Variants in PAX3 observed in about 807,000 individuals in gnomAD.
PAX3 encodes the protein paired box protein Pax-3.
Under a neutral mutation model 51.6 loss-of-function variants are expected in PAX3, and 14 were observed. The observed-to-expected ratio is 0.27, with a 90% CI of 0.18 to 0.42. PAX3 has a LOEUF of 0.42. PAX3 is among the 10% of genes least tolerant of loss of function. The pLI, the probability that PAX3 is intolerant of heterozygous loss-of-function variation, is 1.00. For synonymous variants in PAX3, 280 were observed against 253.4 expected, an observed-to-expected ratio of 1.11 and a Z score of -1.00; for missense variants, 540 against 642.8, an observed-to-expected ratio of 0.84 and a Z score of 1.73.
At chr2:222,278,329 C>T (rs771127831) in intron 4 of PAX3, among the ~76,000 whole-genome samples, 9 of 152,158 alleles carry the variant, frequency 5.9e-5, no homozygotes, top group Non-Finnish European at 1.0e-4. Context: ...AACAGACATC[C>T]TTTGTGCCCC....
chr2:222,216,031 C>A (rs1691943340), intron 7 of PAX3, among the ~76,000 whole-genome samples: 1 of 152,174 alleles, frequency 6.6e-6, no homozygotes, highest in African/African-American at 2.4e-5. Flanking sequence ...GCCTTAAATT[C>A]CCTGACACAT....
chr2:222,296,772 G>A lies in PAX3; in HGVS notation c.321+206C>T, dbSNP rs561394394. Among the ~76,000 whole-genome samples, 32 of 152,344 alleles carry A rather than the reference G, an allele frequency of 2.1e-4. No individual in the cohort carries two copies. The South Asian group carries it at 5.4e-3, about 26-fold the overall frequency. ...GATGTTATTTTTCCTTTGCAAAAAG[G>A]CAAGAGCTTTCCCTAAGTGTTCATC... On this transcript the variant is annotated intron_variant, in intron 2 of 8. Coordinates refer to ENST00000392070, the MANE Select transcript of PAX3 (RefSeq NM_181458.4).
intron 4 of PAX3, chr2:222,262,575 C>T (rs1256660825): frequency 1.4e-5 from 2 of 143,488 alleles, no homozygotes; most frequent in Admixed American, 1.5e-4. Context: ...TATAAAACAA[C>T]TTTTGAAAGT....
chr2:222,222,750 A>G (rs1692245575), intron 5 of PAX3, among the ~76,000 whole-genome samples: 1 of 152,222 alleles, frequency 6.6e-6, no homozygotes. Flanking sequence ...GGAATCAAGT[A>G]GGATCTCTGC....
At chr2:222,213,399 G>A (rs531599791) in intron 7 of PAX3, among the ~76,000 whole-genome samples, 32 of 152,192 alleles carry the variant, frequency 2.1e-4, no homozygotes, top group Non-Finnish European at 3.2e-4. Context: ...AGAACATCTC[G>A]AAAACCTAAT....
chr2:222,208,366 AT>A (rs1559254331), intron 7 of PAX3, among the ~76,000 whole-genome samples: 2 of 152,124 alleles, frequency 1.3e-5, no homozygotes, highest in Non-Finnish European at 2.9e-5. Flanking sequence ...CCCTTAGCAT[AT>A]TAAGAGGGAC....
At chr2:222,250,528 A>C (rs1284378694) in intron 4 of PAX3, among the ~76,000 whole-genome samples, 1 of 152,204 alleles carries the variant, frequency 6.6e-6, no homozygotes, top group African/African-American at 2.4e-5. Flanking sequence ...GGTATTATGA[A>C]AAAGGGAACA....
intron 4 of PAX3, among the ~76,000 whole-genome samples, chr2:222,280,056 C>T (rs1467296247): frequency 6.6e-6 from 1 of 151,946 alleles, no homozygotes; most frequent in Admixed American, 6.6e-5. Flanking sequence ...ACTAAAAATA[C>T]AAAAATTAGC....
rs1421885898 is a variant in PAX3 at position 222,298,513 on chromosome 2, G to A, written c.85+18C>T. ...CCAGGCCCTGGGATCCAGGCGGCGC[G>A]CTGAGGCCCTCCCTTACCTTCCAGC... On this transcript the variant is annotated intron_variant, in intron 1 of 8. Transcript: ENST00000392070. 23 of 1,584,778 alleles carry A rather than the reference G, an allele frequency of 1.5e-5. No individual in the cohort carries two copies. The highest frequency in any genetic ancestry group is 1.8e-5 in the Non-Finnish European group (21 of 1,164,842).
chr2:222,295,924 C>T lies in PAX3; in HGVS notation c.322-267G>A, dbSNP rs186272613. ...CGGGATAAATTCAGAAGAATTATAA[C>T]ATCTTGATGGGGGTAGGGTGGGGTT... On this transcript the variant is annotated intron_variant, in intron 2 of 8. Transcript: ENST00000392070. Among the ~76,000 whole-genome samples the T allele has an allele frequency of 9.8e-5, 15 of 152,306 alleles. No individual in the cohort carries two copies. In the East Asian group the frequency reaches 2.5e-3, roughly 25 times the overall value.
chr2:222,200,394 C>A lies in PAX3; in HGVS notation c.*1014G>T. On this transcript the variant is annotated 3_prime_UTR_variant, in exon 9 of 9. Transcript: ENST00000392070. ...CAGTTTAAAAGCATAATTATCTGAT[C>A]TGGTCTCTAATCAAAGGAGCAACCC... 1 of 228,376 alleles carries A rather than the reference C, an allele frequency of 4.4e-6. No homozygotes were observed. The highest frequency in any genetic ancestry group is 6.3e-5 in the East Asian group (1 of 15,908). The allele number at this position is 228,376 out of a possible 1,614,324, so 14.1% of individuals were successfully genotyped here.
intron 4 of PAX3, among the ~76,000 whole-genome samples, chr2:222,286,590 A>G (rs1694842383): frequency 6.6e-6 from 1 of 152,266 alleles, no homozygotes; most frequent in Non-Finnish European, 1.5e-5. Context: ...AAAATCCTGC[A>G]GCAAAATGTA....
chr2:222,280,523 G>C (rs1323744045), intron 4 of PAX3, among the ~76,000 whole-genome samples: 1 of 152,114 alleles, frequency 6.6e-6, no homozygotes, highest in Non-Finnish European at 1.5e-5. Context: ...GGTATGCCGG[G>C]AAATGAGTGA....
At chr2:222,278,987 G>T (rs1694531566) in intron 4 of PAX3, among the ~76,000 whole-genome samples, 1 of 152,180 alleles carries the variant, frequency 6.6e-6, no homozygotes, top group Non-Finnish European at 1.5e-5. Flanking sequence ...GTCTCACTCT[G>T]TTGCCCAGGC....
intron 4 of PAX3, among the ~76,000 whole-genome samples, chr2:222,260,574 T>G (rs1574708283): frequency 1.3e-5 from 1 of 77,618 alleles, no homozygotes; most frequent in Non-Finnish European, 2.7e-5. Context: ...TGTTTTTTTT[T>G]TTTGTTTTTT....
At chr2:222,283,729 C>T (rs940542539) in intron 4 of PAX3, among the ~76,000 whole-genome samples, 1 of 152,252 alleles carries the variant, frequency 6.6e-6, no homozygotes, top group Admixed American at 6.5e-5. Context: ...GGGGGCCCGG[C>T]TGGCCAAGGA....
rs45557438 is a variant in PAX3 at position 222,273,753 on chromosome 2, C to T, written c.586+20414G>A. On this transcript the variant is annotated intron_variant, in intron 4 of 8. Coordinates refer to ENST00000392070, the MANE Select transcript of PAX3 (RefSeq NM_181458.4). The stretch of plus-strand genomic sequence containing the variant: ...AGTTGCAGCATTTTTGGATCATTTC[C>T]CTTTCTTTTTCCTTTTTTTTTCCTA... Among the ~76,000 whole-genome samples the T allele has an allele frequency of 4.3e-3, 651 of 152,160 alleles. 5 individuals are homozygous for T. Among genetic ancestry groups the T allele is most frequent in the African/African-American group, 0.015 (606 of 41,514 alleles).
chr2:222,223,471 G>A (rs770310867), intron 5 of PAX3, among the ~76,000 whole-genome samples: 1 of 152,132 alleles, frequency 6.6e-6, no homozygotes, highest in African/African-American at 2.4e-5. Context: ...CTGTTACCAC[G>A]GCTCCCAAAG....
intron 7 of PAX3, among the ~76,000 whole-genome samples, chr2:222,209,048 C>A (rs1691617575): frequency 6.6e-6 from 1 of 152,092 alleles, no homozygotes; most frequent in Admixed American, 6.6e-5. Context: ...GTGAAAAGAG[C>A]TTCAACTCTG....
Sources: allele counts gnomAD v4.1 joint callset (sites outside exome capture counted in the v4.1 genomes callset), GRCh38; gene constraint gnomAD v4.1.1; transcripts MANE v1.5; gene names NCBI Gene and HGNC (gene_info 2026-07-23, HGNC 2026-07-21).